The following AMMECR1 variants were observed in gnomAD, a reference collection of about 807,000 sequenced individuals.
AMMECR1 encodes the protein AMMECR nuclear protein 1.
AMMECR1 carries 3 observed loss-of-function variants against 22.5 expected under a neutral mutation model. The ratio of observed to expected loss-of-function variants is 0.13; its 90% confidence interval spans 0.06 to 0.35. The LOEUF (loss-of-function observed/expected upper bound fraction) is 0.35, where lower values mean the gene tolerates loss of function less well. Among genes scored for constraint, AMMECR1 ranks in the 10% least tolerant of loss-of-function variants. The probability of loss-of-function intolerance (pLI) is 1.00; values close to 1 mark genes in which losing one functional copy is unlikely to be tolerated. For missense variants in AMMECR1, 235 were observed against 278.7 expected, an observed-to-expected ratio of 0.84 and a Z score of 1.12; for synonymous variants, 130 against 116.7, an observed-to-expected ratio of 1.11 and a Z score of -0.74.
chrX:110,363,644 A>G (rs180971626), intron 2 of AMMECR1, among the ~76,000 whole-genome samples: 427 of 111,617 alleles, frequency 3.8e-3, no homozygotes, highest in Middle Eastern at 0.014. Context: ...AGTTGCTTTT[A>G]TTACTCTGTG....
intron 2 of AMMECR1, among the ~76,000 whole-genome samples, chrX:110,411,007 T>C (rs1469010206): frequency 8.9e-6 from 1 of 112,473 alleles, no homozygotes; most frequent in Non-Finnish European, 1.9e-5. Context: ...CAGTCTTCTG[T>C]GTCCAAAGCT....
intron 1 of AMMECR1, among the ~76,000 whole-genome samples, chrX:110,294,844 C>T (rs2067926945): frequency 9.0e-6 from 1 of 110,642 alleles, no homozygotes; most frequent in Non-Finnish European, 1.9e-5. Flanking sequence ...CACGCAATTA[C>T]TTTTGCACCA....
At chrX:110,324,463 A>G (rs747576598) in intron 2 of AMMECR1, among the ~76,000 whole-genome samples, 1 of 110,303 alleles carries the variant, frequency 9.1e-6, no homozygotes, top group Non-Finnish European at 1.9e-5. Context: ...CTCTTGTCTA[A>G]TTGCTTTGCC....
At chrX:110,408,913 T>A (rs1353083138) in intron 2 of AMMECR1, among the ~76,000 whole-genome samples, 1 of 111,820 alleles carries the variant, frequency 8.9e-6, no homozygotes, top group South Asian at 3.8e-4. Context: ...TGTAGGTAGG[T>A]TATAGTACCT....
intron 1 of AMMECR1, among the ~76,000 whole-genome samples, chrX:110,297,497 C>A (rs1235407791): frequency 9.0e-6 from 1 of 111,413 alleles, no homozygotes; most frequent in African/African-American, 3.3e-5. Flanking sequence ...ACCATGGATG[C>A]AAGGTTACTA....
At chrX:110,202,267 C>T (rs1178545434) in intron 4 of AMMECR1, among the ~76,000 whole-genome samples, 179 bp downstream of exon 4, 1 of 112,424 alleles carries the variant, frequency 8.9e-6, no homozygotes, top group Non-Finnish European at 1.9e-5. Context: ...AGGGATTCAA[C>T]TTCTGTGAGT....
At chrX:110,349,198 C>A (rs1319893403) in intron 2 of AMMECR1, among the ~76,000 whole-genome samples, 1 of 112,190 alleles carries the variant, frequency 8.9e-6, no homozygotes, top group African/African-American at 3.2e-5. Context: ...AAAACTAAAT[C>A]TCAGAGAGAT....
chrX:110,337,320 T>C (rs1253041563), intron 2 of AMMECR1, among the ~76,000 whole-genome samples: 1 of 112,270 alleles, frequency 8.9e-6, no homozygotes, highest in Non-Finnish European at 1.9e-5. Flanking sequence ...ATTATTCAAG[T>C]TTTCTGGGGC....
chrX:110,427,081 C>G (rs775040138), intron 1 of AMMECR1, among the ~76,000 whole-genome samples: 51 of 112,056 alleles, frequency 4.6e-4, no homozygotes, highest in African/African-American at 1.5e-3. Context: ...CCTAAGCATT[C>G]CTTGCATGTC....
At chrX:110,242,275 A>T (rs1203338258) in intron 2 of AMMECR1, among the ~76,000 whole-genome samples, 1 of 111,647 alleles carries the variant, frequency 9.0e-6, no homozygotes, top group African/African-American at 3.3e-5. Context: ...TTCTATAGAA[A>T]CCTTCAAAAT....
chrX:110,439,461 T>A (rs1569430580), intron 1 of AMMECR1, among the ~76,000 whole-genome samples: 2 of 112,438 alleles, frequency 1.8e-5, no homozygotes, highest in African/African-American at 6.5e-5. Flanking sequence ...GCTTAAAACA[T>A]CTTTCACTGT....
At chrX:110,435,501 G>C (rs1045948878) in intron 1 of AMMECR1, among the ~76,000 whole-genome samples, 2 of 112,014 alleles carry the variant, frequency 1.8e-5, no homozygotes, top group Non-Finnish European at 3.8e-5. Context: ...AGACCTAGCA[G>C]GTCCCAGAAC....
chrX:110,354,882 T>C (rs909985172), intron 2 of AMMECR1, among the ~76,000 whole-genome samples: 1 of 111,788 alleles, frequency 8.9e-6, no homozygotes, highest in Non-Finnish European at 1.9e-5. Context: ...GTAAAACTAC[T>C]AGAAGAAAAT....
intron 2 of AMMECR1, among the ~76,000 whole-genome samples, chrX:110,420,261 C>A (rs1049474378): frequency 8.9e-6 from 1 of 112,265 alleles, no homozygotes; most frequent in Non-Finnish European, 1.9e-5. Context: ...GGATCTTATT[C>A]ATTTTTGCTT....
At chrX:110,374,161 T>A (rs2068359246) in intron 2 of AMMECR1, among the ~76,000 whole-genome samples, 1 of 111,945 alleles carries the variant, frequency 8.9e-6, no homozygotes, top group South Asian at 3.7e-4. Context: ...ACCATGTACC[T>A]AGTTCTAAGC....
chrX:110,282,429 AT>A (rs1177207213), intron 1 of AMMECR1, among the ~76,000 whole-genome samples: 2 of 110,854 alleles, frequency 1.8e-5, no homozygotes, highest in Non-Finnish European at 3.8e-5. Flanking sequence ...GATATGCAAG[AT>A]GGGGACTGCC....
chrX:110,230,296 G>A (rs1377834260), intron 2 of AMMECR1, among the ~76,000 whole-genome samples: 2 of 111,959 alleles, frequency 1.8e-5, no homozygotes, highest in Admixed American at 9.4e-5. Flanking sequence ...CCTCTGGGAC[G>A]AAGCTTCCAG....
At chrX:110,247,854 C>T (rs759419856) in intron 2 of AMMECR1, among the ~76,000 whole-genome samples, 58 of 112,047 alleles carry the variant, frequency 5.2e-4, no homozygotes, top group Non-Finnish European at 9.8e-4. Flanking sequence ...AAATACCTAT[C>T]CTGATAACAG....
At chrX:110,274,692 G>C (rs2067817003) in intron 1 of AMMECR1, among the ~76,000 whole-genome samples, 2 of 111,799 alleles carry the variant, frequency 1.8e-5, no homozygotes, top group Admixed American at 1.9e-4. Flanking sequence ...CTTTTAACTG[G>C]AGTGGTTAGA....
Sources: allele counts gnomAD v4.1 joint callset (sites outside exome capture counted in the v4.1 genomes callset), GRCh38; gene constraint gnomAD v4.1.1; transcripts MANE v1.5; gene names NCBI Gene and HGNC (gene_info 2026-07-23, HGNC 2026-07-21).